Variants in DAB1 observed in about 807,000 individuals in gnomAD.
DAB1 encodes disabled homolog 1.
In DAB1, 15 loss-of-function variants were observed where a neutral mutation model predicts 64.6. That is an observed-to-expected ratio of 0.23 (90% confidence interval 0.16 to 0.36). The LOEUF is 0.36. DAB1 is among the 10% of genes least tolerant of loss of function. DAB1 has a pLI of 1.00. For synonymous variants in DAB1, 235 were observed against 251.9 expected, an observed-to-expected ratio of 0.93 and a Z score of 0.64; for missense variants, 596 against 706.7, an observed-to-expected ratio of 0.84 and a Z score of 1.78.
Position 58,075,001 on chromosome 1 carries a change from C to T in DAB1, n.387+75510G>A, listed in dbSNP as rs576942272. Among the ~76,000 whole-genome samples the T allele has an allele frequency of 2.0e-5, 3 of 152,216 alleles. No homozygotes were observed. In the South Asian group the frequency reaches 6.2e-4, roughly 32 times the overall value. ...TTTCCAAAGCTGAATTGTGAAGGTGCCAGGCAAACACTTCCACCAACAGAA... is the reference window on the plus strand; with the variant it reads ...TTTCCAAAGCTGAATTGTGAAGGTGTCAGGCAAACACTTCCACCAACAGAA... On this transcript the variant is annotated intron_variant and non_coding_transcript_variant, in intron 5 of 20. Transcript: ENST00000485760.
intron 4 of DAB1, among the ~76,000 whole-genome samples, chr1:58,189,907 C>G (rs994022477): frequency 6.6e-6 from 1 of 152,230 alleles, no homozygotes; most frequent in Non-Finnish European, 1.5e-5. Context: ...CTTCACCTGA[C>G]ATGAAGTGGT....
intron 3 of DAB1, among the ~76,000 whole-genome samples, chr1:58,374,747 T>C (rs1255208355): frequency 7.1e-6 from 1 of 141,192 alleles, no homozygotes; most frequent in Non-Finnish European, 1.6e-5. Flanking sequence ...GGGGATGGCA[T>C]TGAATCTGTA....
chr1:58,231,415 C>T (rs1367121997), intron 4 of DAB1, among the ~76,000 whole-genome samples: 1 of 152,202 alleles, frequency 6.6e-6, no homozygotes, highest in Non-Finnish European at 1.5e-5. Context: ...AGACCACAAA[C>T]ATGCAAATGG....
chr1:58,329,036 C>G (rs558485936), intron 4 of DAB1, among the ~76,000 whole-genome samples: 1 of 152,308 alleles, frequency 6.6e-6, no homozygotes, highest in Admixed American at 6.5e-5. Context: ...GTTGTTCATG[C>G]TATTGTTTCT....
At chr1:58,061,058 G>A (rs1648471565) in intron 5 of DAB1, among the ~76,000 whole-genome samples, 1 of 152,160 alleles carries the variant, frequency 6.6e-6, no homozygotes, top group Non-Finnish European at 1.5e-5. Flanking sequence ...GACCAGTCGT[G>A]GCCAGGACAG....
chr1:58,119,580 G>A (rs775546488), intron 5 of DAB1, among the ~76,000 whole-genome samples: 3 of 152,098 alleles, frequency 2.0e-5, no homozygotes, highest in Non-Finnish European at 2.9e-5. Flanking sequence ...AGCTATGATG[G>A]ACAGAGCAGA....
chr1:57,541,490 C>A (rs552212614), intron 7 of DAB1, among the ~76,000 whole-genome samples: 6 of 152,296 alleles, frequency 3.9e-5, no homozygotes, highest in African/African-American at 1.4e-4. Flanking sequence ...TTAAACATAT[C>A]TTTCTTCATA....
At chr1:56,998,915 G>A (rs1645737883) in intron 14 of DAB1, among the ~76,000 whole-genome samples, 1 of 152,176 alleles carries the variant, frequency 6.6e-6, no homozygotes, top group Non-Finnish European at 1.5e-5. Context: ...GACTTCAGCT[G>A]ATGTTGAGAT....
At chr1:57,798,788 T>C (rs1165323666) in intron 6 of DAB1, among the ~76,000 whole-genome samples, 1 of 152,196 alleles carries the variant, frequency 6.6e-6, no homozygotes, top group Admixed American at 6.5e-5. Context: ...GCTGTCTGTG[T>C]GGATTTTGCA....
At chr1:57,451,681 T>C (rs1338015576) in intron 7 of DAB1, among the ~76,000 whole-genome samples, 3 of 152,224 alleles carry the variant, frequency 2.0e-5, no homozygotes, top group South Asian at 2.1e-4. Flanking sequence ...TCAGTCTTAA[T>C]TCAAAGTCGC....
intron 7 of DAB1, among the ~76,000 whole-genome samples, chr1:57,500,510 C>A (rs1644278463): frequency 6.6e-6 from 1 of 152,148 alleles, no homozygotes. Context: ...AAATACCGTG[C>A]CCAGCTATTA....
At chr1:57,565,121 A>G (rs540947715) in intron 7 of DAB1, among the ~76,000 whole-genome samples, 31 of 152,324 alleles carry the variant, frequency 2.0e-4, no homozygotes, top group African/African-American at 6.7e-4. Context: ...CCAATATTCA[A>G]CATTCTTAAA....
chr1:57,614,864 C>A (rs897999499), intron 7 of DAB1, among the ~76,000 whole-genome samples: 3 of 114,932 alleles, frequency 2.6e-5, no homozygotes, highest in Admixed American at 1.8e-4. Flanking sequence ...TTCTTTCTTT[C>A]TTTCTTTTTT....
chr1:57,155,107 C>T (rs753742420), intron 2 of DAB1, among the ~76,000 whole-genome samples: 13 of 152,140 alleles, frequency 8.5e-5, no homozygotes, highest in Non-Finnish European at 1.8e-4. Flanking sequence ...TTGCCCAGAC[C>T]CATGTCCTGC....
chr1:58,115,830 G>A (rs1445539486), intron 5 of DAB1, among the ~76,000 whole-genome samples: 1 of 113,454 alleles, frequency 8.8e-6, no homozygotes, highest in Non-Finnish European at 1.8e-5. Context: ...ACACTCTGGG[G>A]ACTGTGGTGG....
chr1:57,748,272 G>A (rs1648381300), intron 6 of DAB1, among the ~76,000 whole-genome samples: 1 of 152,172 alleles, frequency 6.6e-6, no homozygotes, highest in Non-Finnish European at 1.5e-5. Flanking sequence ...GCCATAGAGA[G>A]GCAGAATATT....
intron 7 of DAB1, among the ~76,000 whole-genome samples, chr1:57,492,660 A>G (rs1204291197): frequency 6.6e-6 from 1 of 152,236 alleles, no homozygotes; most frequent in Non-Finnish European, 1.5e-5. Flanking sequence ...TGAAAGGAGA[A>G]TGGATTTTTA....
At chr1:58,470,985 G>A (rs1348128985) in intron 3 of DAB1, among the ~76,000 whole-genome samples, 1 of 152,188 alleles carries the variant, frequency 6.6e-6, no homozygotes, top group Non-Finnish European at 1.5e-5. Flanking sequence ...GAGGGGAAGG[G>A]ATTTAATTTT....
At chr1:57,135,648 A>C (rs1404002342) in intron 4 of DAB1, among the ~76,000 whole-genome samples, 1 of 152,168 alleles carries the variant, frequency 6.6e-6, no homozygotes, top group Non-Finnish European at 1.5e-5. Flanking sequence ...CCATTTTTAC[A>C]TTTAAACTAC....
Sources: gnomAD v4.1 joint callset for allele counts (sites outside exome capture counted in the v4.1 genomes callset) on GRCh38, gnomAD v4.1.1 for gene constraint, MANE v1.5 for transcripts, NCBI Gene and HGNC (gene_info 2026-07-23, HGNC 2026-07-21) for gene names.